The following TBC1D12 variants were observed in gnomAD, a reference collection of about 807,000 sequenced individuals.
TBC1D12 encodes TBC1 domain family, member 12.
TBC1D12 carries 56 observed loss-of-function variants against 86.7 expected under a neutral mutation model. The observed-to-expected ratio is 0.65, with a 90% confidence interval of 0.52 to 0.81. The LOEUF is 0.81. Among genes scored for constraint, TBC1D12 ranks in the 30% least tolerant of loss-of-function variants. TBC1D12 has a pLI of 0.00. For synonymous variants in TBC1D12, 421 were observed against 411.7 expected (o/e 1.02, Z -0.27); for missense variants, 1,023 against 1,038.8 (o/e 0.98, Z 0.21).
rs1044094934 is a variant in TBC1D12, at chr10:94,515,311, C to T, written c.1761+3657C>T. Among the ~76,000 whole-genome samples, 19 of 152,026 alleles carry T rather than the reference C, an allele frequency of 1.2e-4. 1 individual carries two copies. Among genetic ancestry groups the T allele is most frequent in the Admixed American group, 3.9e-4 (6 of 15,248 alleles). On this transcript the variant is annotated intron_variant, in intron 9 of 12. Transcript: ENST00000225235. ...TATCCTCAGGGGATATATTCCAAGA[C>T]ACCAAGTGGAATATATAGGTTTGGT... is the stretch of plus-strand genomic sequence containing the variant.
At chr10:94,471,564 C>T (rs1043285258) in intron 2 of TBC1D12, among the ~76,000 whole-genome samples, 1 of 152,116 alleles carries the variant, frequency 6.6e-6, no homozygotes, top group Admixed American at 6.5e-5. Context: ...TTCCCTGATC[C>T]ATGCCTTTGT....
At chr10:94,420,195 T>G (rs1297530083) in intron 1 of TBC1D12, among the ~76,000 whole-genome samples, 2 of 152,132 alleles carry the variant, frequency 1.3e-5, no homozygotes, top group African/African-American at 4.8e-5. Context: ...GAGAGCTTGC[T>G]TCCCTTTTTC....
At position 94,502,613 on chromosome 10, in the gene TBC1D12, C is replaced by T. The variant is rs568787058; in HGVS notation, c.1519+2286C>T. 8.6e-4 allele frequency among the ~76,000 whole-genome samples: 131 copies of T among 151,714 alleles called. 1 individual carries two copies. The highest frequency in any genetic ancestry group is 1.5e-3 in the Admixed American group (23 of 15,212). On this transcript the variant is annotated intron_variant, in intron 6 of 12. Coordinates refer to ENST00000225235, the MANE Select transcript of TBC1D12 (RefSeq NM_015188.2). ...ACTCGAGAGGGTGAGGTGGGAGGAT[C>T]GCTTGAGCTCAGGAGGTGCAATGAG... is the stretch of plus-strand genomic sequence containing the variant.
chr10:94,509,839 G>A, intron 7 of TBC1D12: 1 of 379,682 alleles, frequency 2.6e-6, no homozygotes, highest in Non-Finnish European at 4.6e-6. Context: ...GGAAATGATG[G>A]TCTGCCCATA....
Position 94,429,290 on chromosome 10 carries a change from C to CT in TBC1D12, c.972-12597dup, listed in dbSNP as rs888760679. Among the ~76,000 whole-genome samples the CT allele has an allele frequency of 4.9e-3, 735 of 150,784 alleles. 21 individuals are homozygous for CT. Among genetic ancestry groups the CT allele is most frequent in the South Asian group, 8.4e-4 (4 of 4,768 alleles). On this transcript the variant is annotated intron_variant, in intron 1 of 12. Transcript: ENST00000225235. The stretch of plus-strand genomic sequence containing the variant: ...ATGTTTATTGAATAAAAATTCTCTA[C>CT]TTTTTTTTTAATTTTTAGGATTTGT...
chr10:94,523,176 G>T, intron 11 of TBC1D12, among the ~76,000 whole-genome samples: 1 of 115,586 alleles, frequency 8.7e-6, no homozygotes, highest in African/African-American at 3.2e-5. Context: ...CTGGACAACA[G>T]AGCGAAACTC....
At chr10:94,417,816 T>G (rs2055019981) in intron 1 of TBC1D12, among the ~76,000 whole-genome samples, 1 of 151,720 alleles carries the variant, frequency 6.6e-6, no homozygotes, top group Non-Finnish European at 1.5e-5. Context: ...TGGCGCAGTC[T>G]TGGCTCACTG....
intron 2 of TBC1D12, among the ~76,000 whole-genome samples, chr10:94,470,620 C>A (rs776686050): frequency 2.6e-5 from 4 of 151,742 alleles, no homozygotes; most frequent in Non-Finnish European, 4.4e-5. Flanking sequence ...GCCTCGGCTT[C>A]CCAAAGTGCT....
intron 11 of TBC1D12, among the ~76,000 whole-genome samples, chr10:94,523,296 T>C (rs1842205254): frequency 1.3e-5 from 2 of 151,702 alleles, no homozygotes; most frequent in Non-Finnish European, 2.9e-5. Context: ...AATAATATTA[T>C]CTTTATCTTG....
chr10:94,406,919 T>A (rs548947887), intron 1 of TBC1D12, among the ~76,000 whole-genome samples: 1 of 152,348 alleles, frequency 6.6e-6, no homozygotes, highest in South Asian at 2.1e-4. Flanking sequence ...CATGTTTATG[T>A]TCAGTCTACA....
chr10:94,429,626 T>TG (rs1250812490), intron 1 of TBC1D12, among the ~76,000 whole-genome samples: 1 of 152,226 alleles, frequency 6.6e-6, no homozygotes, highest in Non-Finnish European at 1.5e-5. Context: ...TTTTATTCTT[T>TG]GGGGAAATTA....
At chr10:94,425,567 T>C (rs1328856435) in intron 1 of TBC1D12, among the ~76,000 whole-genome samples, 1 of 152,114 alleles carries the variant, frequency 6.6e-6, no homozygotes, top group African/African-American at 2.4e-5. Context: ...TGTAATGCAG[T>C]GGAGACATCA....
At chr10:94,430,849 A>G (rs546455327) in intron 1 of TBC1D12, among the ~76,000 whole-genome samples, 5 of 152,274 alleles carry the variant, frequency 3.3e-5, no homozygotes, top group African/African-American at 1.2e-4. Flanking sequence ...CAATGAAGAA[A>G]CCATTAGACT....
At chr10:94,523,290 ATAT>A (rs1285386261) in intron 11 of TBC1D12, among the ~76,000 whole-genome samples, 1 of 151,498 alleles carries the variant, frequency 6.6e-6, no homozygotes, top group East Asian at 1.9e-4. Context: ...ATTGGGAATA[ATAT>A]TATCTTTATC....
At chr10:94,517,873 C>A (rs916184758) in intron 9 of TBC1D12, among the ~76,000 whole-genome samples, 1 of 152,168 alleles carries the variant, frequency 6.6e-6, no homozygotes, top group Non-Finnish European at 1.5e-5. Context: ...GAACCACAGG[C>A]TGGGTGCGGT....
intron 2 of TBC1D12, among the ~76,000 whole-genome samples, chr10:94,451,483 T>C (rs2055548727): frequency 1.3e-5 from 2 of 152,118 alleles, no homozygotes; most frequent in Admixed American, 1.3e-4. Flanking sequence ...GAGTTCTTAA[T>C]GTCAATTTTG....
chr10:94,458,629 G>T (rs1048448670), intron 2 of TBC1D12, among the ~76,000 whole-genome samples: 1 of 152,092 alleles, frequency 6.6e-6, no homozygotes, highest in African/African-American at 2.4e-5. Context: ...TGGTGTGTCC[G>T]GAATTTGCTC....
intron 6 of TBC1D12, among the ~76,000 whole-genome samples, chr10:94,506,384 A>G (rs1400440327): frequency 6.6e-6 from 1 of 152,228 alleles, no homozygotes; most frequent in Non-Finnish European, 1.5e-5. Context: ...TTACCTTTAA[A>G]AATGAATAAA....
At chr10:94,491,639 G>A (rs2056246240) in intron 3 of TBC1D12, among the ~76,000 whole-genome samples, 3 of 152,146 alleles carry the variant, frequency 2.0e-5, no homozygotes, top group South Asian at 2.1e-4. Flanking sequence ...ATTCTGAGTA[G>A]CATGATGAAA....
Sources: allele counts gnomAD v4.1 joint callset (sites outside exome capture counted in the v4.1 genomes callset), GRCh38; gene constraint gnomAD v4.1.1; transcripts MANE v1.5; gene names NCBI Gene and HGNC (gene_info 2026-07-23, HGNC 2026-07-21).